Variants in FMO2 observed in about 807,000 individuals in gnomAD.
FMO2 encodes flavin containing dimethylaniline monoxygenase 2.
FMO2 carries 33 observed loss-of-function variants against 41.6 expected under a neutral mutation model. The ratio of observed to expected loss-of-function variants is 0.79; its 90% CI spans 0.60 to 1.06. The LOEUF (loss-of-function observed/expected upper bound fraction) is 1.06, where lower values mean the gene tolerates loss of function less well. FMO2 is among the 50% of genes least tolerant of loss of function. The probability of loss-of-function intolerance (pLI) is 0.00; values close to 1 mark genes in which losing one functional copy is unlikely to be tolerated. For missense variants in FMO2, 619 were observed against 632.9 expected, an observed-to-expected ratio of 0.98 and a Z score of 0.23; for synonymous variants, 214 against 219.6, an observed-to-expected ratio of 0.97 and a Z score of 0.23.
At chr1:171,203,784 T>A in intron 5 of FMO2, 81 bp from the exon 6 acceptor site, 1 of 1,201,662 alleles carries the variant, frequency 8.3e-7, no homozygotes, top group South Asian at 1.3e-5. Flanking sequence ...GGGCTACACA[T>A]GTGATACATG....
chr1:171,191,202 T>C (rs531414890), intron 2 of FMO2, among the ~76,000 whole-genome samples: 1 of 152,196 alleles, frequency 6.6e-6, no homozygotes, highest in African/African-American at 2.4e-5. Flanking sequence ...GTCATTATTG[T>C]TTGCTGACAG....
chr1:171,186,272 T>TA (rs1331152722), intron 2 of FMO2: 6 of 154,474 alleles, frequency 3.9e-5, no homozygotes, highest in Admixed American at 1.3e-4. Flanking sequence ...CATGTTTGTT[T>TA]ACTGAGCTTT....
chr1:171,191,179 G>A (rs1478757480), intron 2 of FMO2, among the ~76,000 whole-genome samples: 1 of 151,672 alleles, frequency 6.6e-6, no homozygotes, highest in African/African-American at 2.4e-5. Flanking sequence ...TTGATCTTCA[G>A]AAAAATAGTG....
chr1:171,212,387 T>C lies in FMO2; in HGVS notation c.*3242T>C, dbSNP rs1659017977. 6.6e-6 allele frequency among the ~76,000 whole-genome samples: 1 copy of C among 152,146 alleles called. No individual in the cohort carries two copies. Among genetic ancestry groups the C allele is most frequent in the Non-Finnish European group, 1.5e-5 (1 of 68,018 alleles). On this transcript the variant is annotated 3_prime_UTR_variant, in exon 9 of 9. Coordinates refer to ENST00000209929, the MANE Select transcript of FMO2 (RefSeq NM_001460.5). ...TCCTAGCCTCTACAACTAAGCCAAA[T>C]AAATTTCTGTTTATTATAAATAACC...
chr1:171,192,964 A>G (rs570244605), intron 2 of FMO2, among the ~76,000 whole-genome samples: 1 of 152,226 alleles, frequency 6.6e-6, no homozygotes, highest in African/African-American at 2.4e-5. Flanking sequence ...CTAAAGAGGT[A>G]GTGGGTATAT....
intron 2 of FMO2, among the ~76,000 whole-genome samples, chr1:171,192,110 CTTGA>C (rs1437454634): frequency 6.6e-6 from 1 of 151,974 alleles, no homozygotes; most frequent in Non-Finnish European, 1.5e-5. Context: ...ATTTTGAGAA[CTTGA>C]TTAAGAAACT....
Position 171,205,599 on chromosome 1 carries a change from A to G in FMO2, c.1148A>G (p.Glu383Gly), listed in dbSNP as rs750315758. ...CTAGGTTCCATTTTCCCAACTGCTG[A>G]ACTTCAAGCTCGTTGGGTGACAAGA... ...QPLGSIFPTAELQARWVTRVF... is the reference protein window; with the variant it reads ...QPLGSIFPTAGLQARWVTRVF... The change falls in exon 7 of 9, where the codon GAA (glutamate) becomes GGA (glycine). Residue 383 changes from glutamate to glycine, a missense_variant. Coordinates refer to ENST00000209929, the MANE Select transcript of FMO2 (RefSeq NM_001460.5). The G allele has an allele frequency of 3.0e-5, 48 of 1,612,420 alleles. No homozygotes were observed. The highest frequency in any genetic ancestry group is 3.9e-5 in the Non-Finnish European group (46 of 1,179,298).
chr1:171,186,971 C>G (rs1278463638), intron 2 of FMO2, among the ~76,000 whole-genome samples: 4 of 152,142 alleles, frequency 2.6e-5, no homozygotes, highest in African/African-American at 9.7e-5. Context: ...ATATAAAGAA[C>G]TTAGATAAGT....
At chr1:171,196,184 G>A (rs1334522646) in intron 3 of FMO2, among the ~76,000 whole-genome samples, 3 of 152,174 alleles carry the variant, frequency 2.0e-5, no homozygotes, top group Non-Finnish European at 4.4e-5. Context: ...GTTAAAGGAA[G>A]ACAAAGGTTT....
chr1:171,197,092 G>C (rs151139758), intron 4 of FMO2, among the ~76,000 whole-genome samples: 18 of 152,268 alleles, frequency 1.2e-4, no homozygotes, highest in South Asian at 4.2e-4. Flanking sequence ...TGTTGGAGAG[G>C]CCCTTTTAGC....
In FMO2 at chr1:171,205,449, T is replaced by G. The variant is rs763867551; in HGVS notation, c.998T>G (p.Phe333Cys). Reference protein sequence around the residue: ...DVIIFATGYSFSFPFLEDSLV... With the variant: ...DVIIFATGYSCSFPFLEDSLV... ...ATCATTTTTGCAACAGGATATAGTT[T>G]CTCTTTTCCCTTCCTTGAAGATTCA... is the stretch of plus-strand genomic sequence containing the variant. The change falls in exon 7 of 9, where the codon TTC (phenylalanine) becomes TGC (cysteine). Residue 333 changes from phenylalanine to cysteine, a missense_variant. By Grantham distance (205) the Phe-to-Cys change is radical. Transcript: ENST00000209929. 19 of 1,613,782 alleles carry G rather than the reference T, an allele frequency of 1.2e-5. No homozygotes were observed. The Admixed American group carries it at 3.2e-4, about 27-fold the overall frequency.
intron 4 of FMO2, 68 bp from the exon 5 acceptor site, chr1:171,199,278 G>T: frequency 7.0e-7 from 1 of 1,430,102 alleles, no homozygotes; most frequent in Admixed American, 2.4e-5. Flanking sequence ...TGGCAATGCA[G>T]TTTTATTGAA....
rs781525268 is a variant in FMO2, at chr1:171,207,722, G to T, written c.1188G>T (p.Leu396Phe). The T allele has an allele frequency of 5.6e-6, 9 of 1,605,452 alleles. No individual in the cohort carries two copies. Among genetic ancestry groups the T allele is most frequent in the Non-Finnish European group, 7.7e-6 (9 of 1,173,426 alleles). Residue 396 changes from leucine (L) to phenylalanine (F), a missense_variant, in exon 8 of 9, where the codon TTG becomes TTT. Physicochemically the swap from Leu to Phe is conservative, Grantham distance 22 (BLOSUM62 0). Coordinates refer to ENST00000209929, the MANE Select transcript of FMO2 (RefSeq NM_001460.5). ...AACCAACCTTTTATTCCTTAGGCTT[G>T]TGTAGCCTGCCCTCAGAGAGAACTA... The part of the protein sequence containing the change: ...ARWVTRVFKG[L>F]CSLPSERTMM...
intron 5 of FMO2, among the ~76,000 whole-genome samples, chr1:171,203,445 T>G (rs940891544): frequency 3.3e-5 from 5 of 152,178 alleles, no homozygotes; most frequent in African/African-American, 4.8e-5. Context: ...ACACTTATAC[T>G]TGTGTAGTCA....
chr1:171,187,931 T>C (rs966068561), intron 2 of FMO2, among the ~76,000 whole-genome samples: 3 of 152,150 alleles, frequency 2.0e-5, no homozygotes, highest in Admixed American at 6.5e-5. Context: ...TAATATCATT[T>C]TAGTTTTTCC....
intron 5 of FMO2, among the ~76,000 whole-genome samples, chr1:171,199,936 C>A (rs1883166): frequency 0.12 from 17,793 of 151,900 alleles, 1,183 homozygotes; most frequent in African/African-American, 0.17. Context: ...AGGGTAGTCT[C>A]AAACTCCTGA....
At chr1:171,198,966 A>G (rs1282389809) in intron 4 of FMO2, among the ~76,000 whole-genome samples, 1 of 151,998 alleles carries the variant, frequency 6.6e-6, no homozygotes, top group East Asian at 1.9e-4. Context: ...GCAGTGACTC[A>G]ATCAGGGGTC....
At chr1:171,193,608 T>G in intron 3 of FMO2, 85 bp downstream of exon 3, 1 of 895,830 alleles carries the variant, frequency 1.1e-6, no homozygotes, top group Non-Finnish European at 1.7e-6. Flanking sequence ...ATGAAAGCAA[T>G]TATGAATGAA....
chr1:171,212,333 A>T lies in FMO2; in HGVS notation c.*3188A>T, dbSNP rs1659015030. Reference sequence around the variant, plus strand: ...GGGTGGACACAGCAAGAAGGCCCTCATCAGATGCTGGCCCCTTGGTCTTGA... The same window carrying T: ...GGGTGGACACAGCAAGAAGGCCCTCTTCAGATGCTGGCCCCTTGGTCTTGA... On this transcript the variant is annotated 3_prime_UTR_variant, in exon 9 of 9. Transcript: ENST00000209929. Among the ~76,000 whole-genome samples, 1 of 152,158 alleles carries T rather than the reference A, an allele frequency of 6.6e-6. No homozygotes were observed. Among genetic ancestry groups the T allele is most frequent in the South Asian group, 2.1e-4 (1 of 4,822 alleles).
Sources: allele counts gnomAD v4.1 joint callset (sites outside exome capture counted in the v4.1 genomes callset), GRCh38; gene constraint gnomAD v4.1.1; transcripts MANE v1.5; gene names NCBI Gene and HGNC (gene_info 2026-07-23, HGNC 2026-07-21).